Variants in SLC4A10 observed in about 807,000 individuals in gnomAD.
SLC4A10 encodes the protein solute carrier family 4 member 10, also known as sodium-driven chloride bicarbonate exchanger.
In SLC4A10, 42 loss-of-function variants were observed where a neutral mutation model predicts 137.7. The ratio of observed to expected loss-of-function variants is 0.30; its 90% CI spans 0.24 to 0.39. The LOEUF is 0.39. Among genes scored for constraint, SLC4A10 ranks in the 10% least tolerant of loss-of-function variants. SLC4A10 has a pLI of 1.00. For missense variants in SLC4A10, 925 were observed against 1,355.0 expected, an observed-to-expected ratio of 0.68 and a Z score of 4.98; for synonymous variants, 474 against 464.1, an observed-to-expected ratio of 1.02 and a Z score of -0.27.
chr2:161,708,143 A>T (rs540619668), intron 1 of SLC4A10, among the ~76,000 whole-genome samples: 2 of 151,686 alleles, frequency 1.3e-5, no homozygotes, highest in South Asian at 4.1e-4. Flanking sequence ...CCTATTTACT[A>T]TTTATACAAC....
intron 10 of SLC4A10, among the ~76,000 whole-genome samples, chr2:161,893,229 C>T (rs1319952497): frequency 6.6e-6 from 1 of 152,060 alleles, no homozygotes; most frequent in African/African-American, 2.4e-5. Context: ...CTGTGAACAG[C>T]CTAAATGGCT....
At chr2:161,768,950 C>T (rs977542613) in intron 1 of SLC4A10, among the ~76,000 whole-genome samples, 4 of 151,924 alleles carry the variant, frequency 2.6e-5, no homozygotes, top group African/African-American at 9.7e-5. Flanking sequence ...AAATTCGTTT[C>T]CCATAGTCAT....
intron 1 of SLC4A10, among the ~76,000 whole-genome samples, chr2:161,755,564 C>T (rs2049526028): frequency 6.6e-6 from 1 of 152,146 alleles, no homozygotes; most frequent in African/African-American, 2.4e-5. Context: ...CCTCTCTTTT[C>T]TCACATACTC....
intron 1 of SLC4A10, among the ~76,000 whole-genome samples, chr2:161,731,486 A>T (rs1261934534): frequency 6.6e-6 from 1 of 152,198 alleles, no homozygotes; most frequent in Non-Finnish European, 1.5e-5. Flanking sequence ...GGGAGGAAGA[A>T]TTGTAGGGAC....
intron 10 of SLC4A10, among the ~76,000 whole-genome samples, chr2:161,894,286 G>A (rs1032360959): frequency 6.6e-6 from 1 of 151,674 alleles, no homozygotes; most frequent in Non-Finnish European, 1.5e-5. Context: ...TTTATGCCAG[G>A]GTATAAATAC....
At chr2:161,658,359 C>T (rs1394849408) in intron 1 of SLC4A10, among the ~76,000 whole-genome samples, 1 of 152,168 alleles carries the variant, frequency 6.6e-6, no homozygotes, top group East Asian at 1.9e-4. Flanking sequence ...ATAGGTTCCA[C>T]TCCAGAGTAG....
chr2:161,882,729 A>T (rs1476907759), intron 10 of SLC4A10, among the ~76,000 whole-genome samples: 1 of 152,178 alleles, frequency 6.6e-6, no homozygotes, highest in African/African-American at 2.4e-5. Context: ...GTGCTACCAA[A>T]GTAAGCACCA....
chr2:161,873,854 G>A (rs1294950000), intron 7 of SLC4A10, 62 bp from the exon 8 acceptor site: 1 of 1,497,022 alleles, frequency 6.7e-7, no homozygotes, highest in South Asian at 1.2e-5. Flanking sequence ...TCCCTCTGGT[G>A]CCTGGCGGAG....
intron 15 of SLC4A10, among the ~76,000 whole-genome samples, chr2:161,936,290 C>G (rs1263396900): frequency 6.6e-6 from 1 of 152,032 alleles, no homozygotes; most frequent in Non-Finnish European, 1.5e-5. Flanking sequence ...GTAATGCTTT[C>G]CTCATAAAAT....
intron 1 of SLC4A10, among the ~76,000 whole-genome samples, chr2:161,678,518 G>C (rs1359150707): frequency 6.6e-6 from 1 of 152,072 alleles, no homozygotes; most frequent in African/African-American, 2.4e-5. Flanking sequence ...AATCTTATGC[G>C]TGCATGTGAA....
chr2:161,700,157 A>C (rs1178722408), intron 1 of SLC4A10, among the ~76,000 whole-genome samples: 1 of 152,204 alleles, frequency 6.6e-6, no homozygotes, highest in South Asian at 2.1e-4. Flanking sequence ...ATTAAAGGCC[A>C]GTAGTTGTTG....
At position 161,873,994 on chromosome 2, in the gene SLC4A10, C is replaced by G; in HGVS notation, c.937C>G (p.Gln313Glu). 6.3e-7 allele frequency: 1 copy of G among 1,590,002 alleles called. No homozygotes were observed. Among genetic ancestry groups the G allele is most frequent in the Non-Finnish European group, 8.5e-7 (1 of 1,175,624 alleles). The change falls in exon 8 of 27, where the codon CAA (glutamine) becomes GAA (glutamate). Residue 313 changes from glutamine to glutamate, a missense_variant. This residue lies in a region of SLC4A10 where 277 missense variants were observed against 306.1 expected (regional missense o/e 0.90). Transcript: ENST00000446997. ...QRHEKGPPHQ[Q>E]EREVDLHFMK... is the part of the protein sequence containing the mutation. ...GCATGAAAAAGGACCTCCACACCAG[C>G]AAGAGAGAGAGGTGAGGGCATACTC... is the stretch of plus-strand genomic sequence containing the variant.
intron 1 of SLC4A10, among the ~76,000 whole-genome samples, chr2:161,644,546 A>C (rs183653874): frequency 2.0e-5 from 3 of 152,296 alleles, no homozygotes; most frequent in East Asian, 3.9e-4. Flanking sequence ...AAGTCTTATA[A>C]TTTATTTTAA....
intron 1 of SLC4A10, among the ~76,000 whole-genome samples, chr2:161,766,031 G>A (rs1457839533): frequency 1.3e-5 from 2 of 152,060 alleles, no homozygotes; most frequent in Non-Finnish European, 1.5e-5. Flanking sequence ...TTTGTATCTT[G>A]GGATTTTTGT....
At chr2:161,922,485 A>G (rs1224402841) in intron 15 of SLC4A10, among the ~76,000 whole-genome samples, 1 of 152,144 alleles carries the variant, frequency 6.6e-6, no homozygotes, top group Admixed American at 6.5e-5. Flanking sequence ...TAATTAAATG[A>G]TTAATAATCC....
chr2:161,872,557 C>CAA (rs5835886), intron 7 of SLC4A10, among the ~76,000 whole-genome samples, 173 bp downstream of exon 7: 4 of 128,936 alleles, frequency 3.1e-5, no homozygotes, highest in Non-Finnish European at 5.1e-5. Context: ...TTTGCCTATT[C>CAA]AAAAAAAAAA....
At chr2:161,933,369 T>C (rs1690962406) in intron 15 of SLC4A10, among the ~76,000 whole-genome samples, 1 of 151,294 alleles carries the variant, frequency 6.6e-6, no homozygotes, top group Admixed American at 6.6e-5. Flanking sequence ...TCTCTCTCTT[T>C]CTCTCTTTGT....
chr2:161,904,311 T>C, intron 13 of SLC4A10, 133 bp downstream of exon 13: 1 of 951,758 alleles, frequency 1.1e-6, no homozygotes, highest in Non-Finnish European at 1.5e-6. Flanking sequence ...ATACACCTTA[T>C]ATGAATTTCC....
At chr2:161,687,735 C>T (rs2041590797) in intron 1 of SLC4A10, among the ~76,000 whole-genome samples, 1 of 152,082 alleles carries the variant, frequency 6.6e-6, no homozygotes, top group Non-Finnish European at 1.5e-5. Context: ...GGGGCAATTT[C>T]CCCCATGCTG....
Sources: gnomAD v4.1 joint callset for allele counts (sites outside exome capture counted in the v4.1 genomes callset) on GRCh38, gnomAD v4.1.1 for gene constraint, gnomAD v4.1.1 regional missense constraint, MANE v1.5 for transcripts, NCBI Gene and HGNC (gene_info 2026-07-23, HGNC 2026-07-21) for gene names.